The following GM2A variants were observed in gnomAD, a reference collection of about 807,000 sequenced individuals.
The protein encoded by GM2A is ganglioside GM2 activator, also known as GM2 ganglioside activator.
A neutral mutation model predicts 12.9 loss-of-function variants in GM2A; 7 were observed. The observed-to-expected ratio is 0.54, with a 90% CI of 0.31 to 1.02. GM2A has a LOEUF of 1.02. Among genes scored for constraint, GM2A ranks in the 50% least tolerant of loss-of-function variants. The probability of loss-of-function intolerance (pLI) is 0.05; values close to 1 mark genes in which losing one functional copy is unlikely to be tolerated. For synonymous variants in GM2A, 101 were observed against 96.0 expected (o/e 1.05, Z -0.30); for missense variants, 246 against 241.0 (o/e 1.02, Z -0.14).
chr5:151,264,348 G>A (rs937403240), intron 2 of GM2A, among the ~76,000 whole-genome samples: 1 of 152,126 alleles, frequency 6.6e-6, no homozygotes, highest in Non-Finnish European at 1.5e-5. Flanking sequence ...TTCTTGTGTC[G>A]TGCTGGTCCT....
chr5:151,268,012 G>A lies in GM2A; in HGVS notation c.*561G>A. On this transcript the variant is annotated 3_prime_UTR_variant, in exon 4 of 4. Transcript: ENST00000357164. ...GGTGCAGTGTATCCTGGAGAGGTAGGGTGTGTGGGGGAGGAATCCCTTGGG... is the reference window on the plus strand; with the variant it reads ...GGTGCAGTGTATCCTGGAGAGGTAGAGTGTGTGGGGGAGGAATCCCTTGGG... 9.5e-7 allele frequency: 1 copy of A among 1,056,962 alleles called. No homozygotes were observed. Among genetic ancestry groups the A allele is most frequent in the Non-Finnish European group, 1.1e-6 (1 of 873,612 alleles). 65.5% of individuals were successfully genotyped at this position (1,056,962 alleles called of 1,614,324 possible).
chr5:151,267,260 C>T lies in GM2A; in HGVS notation c.427-36C>T. On this transcript the variant is annotated intron_variant, in intron 3 of 3. Transcript: ENST00000357164. ...CTAGGAGAAAGACCCCATCAGTAGG[C>T]TCCCACTGACTGGCGGTCCACTGGC... The T allele has an allele frequency of 3.1e-6, 5 of 1,613,544 alleles. No homozygotes were observed. The South Asian group carries it at 4.4e-5, about 14-fold the overall frequency.
chr5:151,255,988 T>C (rs1466133294), intron 1 of GM2A, among the ~76,000 whole-genome samples: 5 of 152,186 alleles, frequency 3.3e-5, no homozygotes, highest in African/African-American at 1.2e-4. Flanking sequence ...CTACATCTTC[T>C]TGGGGCTCAT....
chr5:151,268,033 T>G lies in GM2A; in HGVS notation c.*582T>G, dbSNP rs1580793224. 1 of 1,040,604 alleles carries G rather than the reference T, an allele frequency of 9.6e-7. No homozygotes were observed. Among genetic ancestry groups the G allele is most frequent in the East Asian group, 8.3e-5 (1 of 11,992 alleles). The allele number at this position is 1,040,604 out of a possible 1,614,324, so 64.5% of individuals were successfully genotyped here. ...GTAGGGTGTGTGGGGGAGGAATCCCTTGGGGGAGATATTAGGAGTGCTCTG... is the reference window on the plus strand; with the variant it reads ...GTAGGGTGTGTGGGGGAGGAATCCCGTGGGGGAGATATTAGGAGTGCTCTG... On this transcript the variant is annotated 3_prime_UTR_variant, in exon 4 of 4. Coordinates refer to ENST00000357164, the MANE Select transcript of GM2A (RefSeq NM_000405.5).
At chr5:151,267,103 G>T (rs754229449) in intron 3 of GM2A, 190 bp downstream of exon 3, 18 of 856,620 alleles carry the variant, frequency 2.1e-5, no homozygotes, top group Non-Finnish European at 3.4e-5. Flanking sequence ...CTTGAACTTA[G>T]ATGTGATCTT....
At position 151,267,397 on chromosome 5, in the gene GM2A, C is replaced by G. The variant is rs749497621; in HGVS notation, c.528C>G (p.Ser176Arg). 1 of 1,614,200 alleles carries G rather than the reference C, an allele frequency of 6.2e-7. No individual in the cohort carries two copies. Among genetic ancestry groups the G allele is most frequent in the Non-Finnish European group, 8.5e-7 (1 of 1,180,032 alleles). Residue 176 changes from serine (S) to arginine (R), a missense_variant, in exon 4 of 4, where the codon AGC becomes AGG. Ser to Arg is a moderately radical substitution (Grantham distance 110). Transcript: ENST00000357164. Reference sequence around the variant, plus strand: ...ACCGCATAGAGAGCGTCCTGAGCAGCAGTGGGAAGCGTCTGGGCTGCATCA... The same window carrying G: ...ACCGCATAGAGAGCGTCCTGAGCAGGAGTGGGAAGCGTCTGGGCTGCATCA... ...GNYRIESVLSSSGKRLGCIKI... is the reference protein window; with the variant it reads ...GNYRIESVLSRSGKRLGCIKI...
In GM2A at chr5:151,268,941, A is replaced by G. The variant is rs1009530448; in HGVS notation, c.*1490A>G. 3.0e-6 allele frequency: 3 copies of G among 985,324 alleles called. No individual in the cohort carries two copies. The Admixed American group carries it at 1.8e-4, about 61-fold the overall frequency. The allele number at this position is 985,324 out of a possible 1,614,324, so 61.0% of individuals were successfully genotyped here. A position where few individuals can be genotyped will look rare whatever the true frequency, so the allele number is the denominator to read the frequency against. On this transcript the variant is annotated 3_prime_UTR_variant, in exon 4 of 4. Coordinates refer to ENST00000357164, the MANE Select transcript of GM2A (RefSeq NM_000405.5). Reference sequence around the variant, plus strand: ...AAAGCCATAGTGTCCGGTCCCAAGGACAAGGCTCTTCCAGTGCTAGGAGAG... The same window carrying G: ...AAAGCCATAGTGTCCGGTCCCAAGGGCAAGGCTCTTCCAGTGCTAGGAGAG...
At chr5:151,255,880 A>G (rs954260181) in intron 1 of GM2A, among the ~76,000 whole-genome samples, 1 of 152,106 alleles carries the variant, frequency 6.6e-6, no homozygotes, top group African/African-American at 2.4e-5. Context: ...CTTGTTGTAT[A>G]TGCTGTGGGT....
At chr5:151,253,969 T>G (rs1439341318) in intron 1 of GM2A, among the ~76,000 whole-genome samples, 1 of 152,254 alleles carries the variant, frequency 6.6e-6, no homozygotes, top group Non-Finnish European at 1.5e-5. Flanking sequence ...CCTGGCTTAT[T>G]GCAGCTAGCC....
rs567514360 is a variant in GM2A, at chr5:151,270,038, T to C, written c.*2587T>C. The C allele has an allele frequency of 1.7e-5, 21 of 1,230,204 alleles. No individual in the cohort carries two copies. The South Asian group carries it at 7.2e-4, about 42-fold the overall frequency. The allele number at this position is 1,230,204 out of a possible 1,614,324, so 76.2% of individuals were successfully genotyped here. ...TTTTTAGTTCACATTCTTGACCGAA[T>C]CTCAGTAGCTCAGTTAATCTTTTTA... On this transcript the variant is annotated 3_prime_UTR_variant, in exon 4 of 4. Coordinates refer to ENST00000357164, the MANE Select transcript of GM2A (RefSeq NM_000405.5).
At chr5:151,255,803 C>T (rs967863023) in intron 1 of GM2A, among the ~76,000 whole-genome samples, 13 of 152,202 alleles carry the variant, frequency 8.5e-5, no homozygotes, top group Non-Finnish European at 1.5e-4. Flanking sequence ...GAGAATGCTT[C>T]TCTTGGCTCC....
Position 151,269,498 on chromosome 5 carries a change from A to T in GM2A, c.*2047A>T. On this transcript the variant is annotated 3_prime_UTR_variant, in exon 4 of 4. Coordinates refer to ENST00000357164, the MANE Select transcript of GM2A (RefSeq NM_000405.5). ...GGAGAGCAAAAATCACCTAGTGACCATTGAACAGGTCCCAGAGACAAAATC... is the reference window on the plus strand; with the variant it reads ...GGAGAGCAAAAATCACCTAGTGACCTTTGAACAGGTCCCAGAGACAAAATC... 2 of 941,664 alleles carry T rather than the reference A, an allele frequency of 2.1e-6. No individual in the cohort carries two copies. Among genetic ancestry groups the T allele is most frequent in the Non-Finnish European group, 2.5e-6 (2 of 789,930 alleles). 58.3% of individuals were successfully genotyped at this position (941,664 alleles called of 1,614,324 possible).
intron 2 of GM2A, among the ~76,000 whole-genome samples, 155 bp from the exon 3 acceptor site, chr5:151,266,576 T>C (rs1753889704): frequency 6.6e-6 from 1 of 152,222 alleles, no homozygotes; most frequent in South Asian, 2.1e-4. Flanking sequence ...AATGTTGCCA[T>C]TCCTAGAACA....
In GM2A at chr5:151,267,543, C is replaced by CTTTAAT; in HGVS notation, c.*92_*93insTTTAAT. On this transcript the variant is annotated 3_prime_UTR_variant, in exon 4 of 4. Transcript: ENST00000357164. ...CCAAGGCCAAACTCCCACTCTCTGC[C>CTTTAAT]CCCCTTTAATCCCCTTTCTACAGTG... 2 of 1,585,418 alleles carry CTTTAAT rather than the reference C, an allele frequency of 1.3e-6. No individual in the cohort carries two copies. The highest frequency in any genetic ancestry group is 1.7e-4 in the Middle Eastern group (1 of 6,030).
intron 2 of GM2A, among the ~76,000 whole-genome samples, chr5:151,262,896 C>T (rs1156938610): frequency 6.6e-6 from 1 of 152,172 alleles, no homozygotes; most frequent in Non-Finnish European, 1.5e-5. Context: ...CAAACCCGCT[C>T]TTCTGCCCTC....
chr5:151,259,037 G>A (rs923343358), intron 1 of GM2A, among the ~76,000 whole-genome samples: 1 of 152,120 alleles, frequency 6.6e-6, no homozygotes. Context: ...GGAGACCTGG[G>A]GGATGTGGAG....
At position 151,259,924 on chromosome 5, in the gene GM2A, T is replaced by TG; in HGVS notation, c.243+13dup. Reference sequence around the variant, plus strand: ...CTGAGTTCTCCTCTGAAGGTGAGCCTGGGGGTGGGTGGAGAAGGGGAGGTG... The same window carrying TG: ...CTGAGTTCTCCTCTGAAGGTGAGCCTGGGGGGTGGGTGGAGAAGGGGAGGTG... On this transcript the variant is annotated intron_variant, in intron 2 of 3. Coordinates refer to ENST00000357164, the MANE Select transcript of GM2A (RefSeq NM_000405.5). The TG allele has an allele frequency of 6.2e-7, 1 of 1,610,322 alleles. No individual in the cohort carries two copies. The highest frequency in any genetic ancestry group is 8.5e-7 in the Non-Finnish European group (1 of 1,176,970).
chr5:151,253,399 A>G, intron 1 of GM2A, 102 bp downstream of exon 1: 1 of 801,282 alleles, frequency 1.2e-6, no homozygotes, highest in Non-Finnish European at 2.2e-6. Context: ...GTTCTCTAGA[A>G]TTGGTTCTCT....
At chr5:151,262,961 T>C (rs1753823484) in intron 2 of GM2A, among the ~76,000 whole-genome samples, 1 of 152,180 alleles carries the variant, frequency 6.6e-6, no homozygotes. Context: ...TACTCCCTAT[T>C]CTCCTTTTCC....
Sources: gnomAD v4.1 joint callset for allele counts (sites outside exome capture counted in the v4.1 genomes callset) on GRCh38, gnomAD v4.1.1 for gene constraint, MANE v1.5 for transcripts, NCBI Gene and HGNC (gene_info 2026-07-23, HGNC 2026-07-21) for gene names.